Variants in CCDC40 observed in about 807,000 individuals in gnomAD.
CCDC40 encodes coiled-coil domain 40 molecular ruler complex subunit, also known as coiled-coil domain-containing protein 40.
A neutral mutation model predicts 124.5 loss-of-function variants in CCDC40; 104 were observed. That is an observed-to-expected ratio of 0.84 (90% CI 0.71 to 0.98). The LOEUF is 0.98. CCDC40 is among the 50% of genes least tolerant of loss of function. The probability of loss-of-function intolerance (pLI) is 0.00; values close to 1 mark genes in which losing one functional copy is unlikely to be tolerated. For missense variants in CCDC40, 1,463 were observed against 1,503.9 expected (o/e 0.97, Z 0.45); for synonymous variants, 580 against 602.9 (o/e 0.96, Z 0.56).
At chr17:80,084,636 A>G (rs1229822894) in intron 12 of CCDC40, 107 bp from the exon 13 acceptor site, 8 of 1,367,756 alleles carry the variant, frequency 5.8e-6, no homozygotes, top group African/African-American at 4.3e-5. Flanking sequence ...TGCGTTTGGA[A>G]TATCTCCAGA....
chr17:80,055,938 A>G (rs12601414), intron 7 of CCDC40, among the ~76,000 whole-genome samples: 29,492 of 134,276 alleles, frequency 0.22, 3,484 homozygotes, highest in African/African-American at 0.25. Flanking sequence ...CAGCTTCCCA[A>G]GTAGCTGGGA....
At chr17:80,042,171 T>C (rs565003779) in intron 3 of CCDC40, among the ~76,000 whole-genome samples, 73 of 152,252 alleles carry the variant, frequency 4.8e-4, no homozygotes, top group Middle Eastern at 3.4e-3. Flanking sequence ...CAGGCTGGAG[T>C]GCAGTGGCAT....
Position 80,058,083 on chromosome 17 carries a change from C to G in CCDC40, c.1160-411C>G, listed in dbSNP as rs2037797168. On this transcript the variant is annotated intron_variant, in intron 7 of 19. Transcript: ENST00000397545. This position sits in a 1 kb window ranked among gnomAD's most constrained non-coding sequence, Gnocchi z 4.2. ...GGGCATCTGTGGAGCTCAGCCTGCC[C>G]TGGATGTTCTCGTCTCCTCCCAGGG... 6.6e-6 allele frequency among the ~76,000 whole-genome samples: 1 copy of G among 152,114 alleles called. No homozygotes were observed. The highest frequency in any genetic ancestry group is 2.4e-5 in the African/African-American group (1 of 41,416).
At position 80,088,109 on chromosome 17, in the gene CCDC40, C is replaced by T. The variant is rs754914952; in HGVS notation, c.2711+7C>T. On this transcript the variant is annotated splice_region_variant and intron_variant, in intron 16 of 19. Transcript: ENST00000397545. ...ATCAACTGGTGGAAGCAGAGTGAGT[C>T]CCAGTCTCCAGCCACACGTGGGTCA... 1 of 1,604,860 alleles carries T rather than the reference C, an allele frequency of 6.2e-7. No homozygotes were observed. The highest frequency in any genetic ancestry group is 1.7e-5 in the Admixed American group (1 of 59,994).
chr17:80,037,688 A>AAAAAAAATATATATAT, intron 1 of CCDC40, among the ~76,000 whole-genome samples: 15 of 45,710 alleles, frequency 3.3e-4, no homozygotes, highest in African/African-American at 8.8e-4. Context: ...TTTTTTAAAA[A>AAAAAAAATATATATAT]AGATATACAT....
intron 3 of CCDC40, among the ~76,000 whole-genome samples, chr17:80,044,410 CTAGTGGCTCATGGCTGTGA>C (rs2037359884): frequency 6.6e-6 from 1 of 152,132 alleles, no homozygotes. Flanking sequence ...CAGGCCAGGC[CTAGTGGCTCATGGCTGTGA>C]TCCCAGCACT....
chr17:80,067,450 G>A (rs1023458332), intron 10 of CCDC40: 16 of 751,308 alleles, frequency 2.1e-5, no homozygotes, highest in South Asian at 4.5e-5. Flanking sequence ...CTCTTGCTCC[G>A]TGGGAGCACA....
rs1271140875 is a variant in CCDC40, at chr17:80,097,137, T to A, written c.3022-108T>A. 2.4e-6 allele frequency: 3 copies of A among 1,227,088 alleles called. No homozygotes were observed. In the African/African-American group the frequency reaches 4.4e-5, roughly 18 times the overall value. The allele number at this position is 1,227,088 out of a possible 1,614,324, so 76.0% of individuals were successfully genotyped here. A position where few individuals can be genotyped will look rare whatever the true frequency, so the allele number is the denominator to read the frequency against. On this transcript the variant is annotated intron_variant, in intron 18 of 19. Coordinates refer to ENST00000397545, the MANE Select transcript of CCDC40 (RefSeq NM_017950.4). ...TCCCATTCCTCTTTGGGAGCCTCCC[T>A]GGATGGAGTGTGTGGAAGGTGCCTG...
At chr17:80,052,926 C>G (rs1378251335) in intron 7 of CCDC40, among the ~76,000 whole-genome samples, 4 of 152,168 alleles carry the variant, frequency 2.6e-5, no homozygotes, top group African/African-American at 7.2e-5. Context: ...CATCATCCCC[C>G]CAAAAGGCAC....
At chr17:80,096,934 C>T (rs1348948830) in intron 18 of CCDC40, among the ~76,000 whole-genome samples, 1 of 152,260 alleles carries the variant, frequency 6.6e-6, no homozygotes, top group Non-Finnish European at 1.5e-5. Context: ...AGCCTCAGCC[C>T]TGCCCTTGGC....
chr17:80,082,909 C>A (rs915105574), intron 12 of CCDC40, among the ~76,000 whole-genome samples: 1 of 152,216 alleles, frequency 6.6e-6, no homozygotes, highest in African/African-American at 2.4e-5. Context: ...GCCAGTCCAG[C>A]TGCTGAAAAG....
chr17:80,045,367 C>A (rs1442834570), intron 3 of CCDC40, among the ~76,000 whole-genome samples: 1 of 152,202 alleles, frequency 6.6e-6, no homozygotes, highest in Non-Finnish European at 1.5e-5. Context: ...AAGAGTTCAT[C>A]ATCAGCGATA....
chr17:80,099,336 A>T (rs893409367), intron 19 of CCDC40, among the ~76,000 whole-genome samples, 191 bp from the exon 20 acceptor site: 2 of 151,348 alleles, frequency 1.3e-5, no homozygotes, highest in Non-Finnish European at 2.9e-5. Context: ...TGGGTGACCC[A>T]TAAAGCACCG....
At position 80,087,313 on chromosome 17, in the gene CCDC40, TCCCACACGCCCTG is replaced by T; in HGVS notation, c.2450-286_2450-274del. The T allele has an allele frequency of 2.1e-6, 1 of 479,276 alleles. No homozygotes were observed. Among genetic ancestry groups the T allele is most frequent in the Non-Finnish European group, 3.8e-6 (1 of 260,642 alleles). The allele number at this position is 479,276 out of a possible 1,614,324, so 29.7% of individuals were successfully genotyped here. A position where few individuals can be genotyped will look rare whatever the true frequency, so the allele number is the denominator to read the frequency against. ...GTGTCTGGGGGAGGGAGCCTGGCCC[TCCCACACGCCCTG>T]CCCACACCTGCTGGCTGTCCCCACA... On this transcript the variant is annotated intron_variant, in intron 14 of 19. Coordinates refer to ENST00000397545, the MANE Select transcript of CCDC40 (RefSeq NM_017950.4). This position sits in a 1 kb window ranked among gnomAD's most constrained non-coding sequence, Gnocchi z 4.5.
chr17:80,097,286 A>C lies in CCDC40; in HGVS notation c.3063A>C (p.Glu1021Asp). The C allele has an allele frequency of 1.2e-6, 2 of 1,613,988 alleles. No homozygotes were observed. The highest frequency in any genetic ancestry group is 1.7e-6 in the Non-Finnish European group (2 of 1,180,020). The change falls in exon 19 of 20, where the codon GAA (glutamate) becomes GAC (aspartate). Residue 1021 changes from glutamate (E) to aspartate (D), a missense_variant. Transcript: ENST00000397545. ...CCAAAACCGTCCTGGAACTGGAAGA[A>C]ACACAAAGAAATGTGAGCAGCTCCC... ...ECTKTVLELEETQRNVSSSLL... is the reference protein window; with the variant it reads ...ECTKTVLELEDTQRNVSSSLL...
chr17:80,083,390 C>T (rs1276898256), intron 12 of CCDC40, among the ~76,000 whole-genome samples: 2 of 152,232 alleles, frequency 1.3e-5, no homozygotes, highest in East Asian at 3.9e-4. Context: ...GGAAGCCGCC[C>T]GTGGTGGCCA....
Position 80,040,026 on chromosome 17 carries a change from CGGAAGGGCAAATCA to C in CCDC40, c.310_323del (p.Glu104CysfsTer23). 1 of 1,614,100 alleles carries C rather than the reference CGGAAGGGCAAATCA, an allele frequency of 6.2e-7. No homozygotes were observed. Among genetic ancestry groups the C allele is most frequent in the South Asian group, 1.1e-5 (1 of 91,080 alleles). On this transcript the variant is annotated frameshift_variant, in exon 3 of 20. Coordinates refer to ENST00000397545, the MANE Select transcript of CCDC40 (RefSeq NM_017950.4). LOFTEE classifies it high-confidence loss of function. ...TATTACTATACAGAAACTTCATCCCCGGAAGGGCAAATCAGTGCTGCAGATACGACTTACCCGTA... is the reference window on the plus strand; with the variant it reads ...TATTACTATACAGAAACTTCATCCCCGTGCTGCAGATACGACTTACCCGTA...
intron 18 of CCDC40, among the ~76,000 whole-genome samples, chr17:80,095,725 G>GCTA (rs1420524531): frequency 9.2e-5 from 14 of 152,254 alleles, no homozygotes; most frequent in Admixed American, 9.2e-4. Flanking sequence ...ACCTGCTGCT[G>GCTA]CTACGGGGCC....
intron 10 of CCDC40, 35 bp from the exon 11 acceptor site, chr17:80,081,511 A>C (rs1230232195): frequency 2.7e-5 from 43 of 1,612,758 alleles, no homozygotes; most frequent in Non-Finnish European, 3.6e-5. Flanking sequence ...CTGATGTCTC[A>C]CACGTAACTG....
Sources: allele counts gnomAD v4.1 joint callset (sites outside exome capture counted in the v4.1 genomes callset), GRCh38; gene constraint gnomAD v4.1.1; non-coding constraint Gnocchi (gnomAD v3.1); transcripts MANE v1.5; gene names NCBI Gene and HGNC (gene_info 2026-07-23, HGNC 2026-07-21).